BAZ1A: variants seen among roughly 807,000 people sequenced by gnomAD.
BAZ1A encodes the protein bromodomain adjacent to zinc finger domain 1A, also known as bromodomain adjacent to zinc finger domain protein 1A.
BAZ1A carries 50 observed loss-of-function variants against 185.2 expected under a neutral mutation model. That is an observed-to-expected ratio of 0.27 (90% CI 0.22 to 0.34). The LOEUF is 0.34. Ranked by LOEUF, BAZ1A falls within the 10% of genes least tolerant of loss-of-function variation. BAZ1A has a pLI of 1.00. For missense variants in BAZ1A, 1,356 were observed against 1,839.9 expected (o/e 0.74, Z 4.81); for synonymous variants, 571 against 615.6 (o/e 0.93, Z 1.07).
At position 34,783,113 on chromosome 14, in the gene BAZ1A, C is replaced by T. The variant is rs1471353662; in HGVS notation, c.2111+6G>A. On this transcript the variant is annotated splice_donor_region_variant and intron_variant, in intron 16 of 26. Coordinates refer to ENST00000360310, the MANE Select transcript of BAZ1A (RefSeq NM_013448.3). Reference sequence around the variant, plus strand: ...AAGCAGATGAACAGTGTGATTCAAACCATACCCAATAGATATATCTGCCGT... The same window carrying T: ...AAGCAGATGAACAGTGTGATTCAAATCATACCCAATAGATATATCTGCCGT... The T allele has an allele frequency of 1.3e-6, 2 of 1,572,422 alleles. No homozygotes were observed. The highest frequency in any genetic ancestry group is 8.7e-7 in the Non-Finnish European group (1 of 1,144,038).
intron 2 of BAZ1A, among the ~76,000 whole-genome samples, chr14:34,863,171 T>A (rs2042799915): frequency 7.4e-6 from 1 of 135,818 alleles, no homozygotes; most frequent in Non-Finnish European, 1.6e-5. Context: ...TTTTTTTTTT[T>A]TTTTTTTTTT....
intron 8 of BAZ1A, among the ~76,000 whole-genome samples, chr14:34,800,792 GCTGT>G (rs1881485957): frequency 6.6e-6 from 1 of 152,162 alleles, no homozygotes; most frequent in Non-Finnish European, 1.5e-5. Flanking sequence ...GTTTTAAAAG[GCTGT>G]GTGAATCAAA....
rs949160479 is a variant in BAZ1A at position 34,758,819 on chromosome 14, C to T, written c.4271G>A (p.Arg1424Lys). ...PEPSPVTLGR[R>K]SSGRQGGVHE... Reference sequence around the variant, plus strand: ...AACTCCTCCCTGTCGGCCAGAACTCCTTCGACCCAGTGTCACAGGCGATGG... The same window carrying T: ...AACTCCTCCCTGTCGGCCAGAACTCTTTCGACCCAGTGTCACAGGCGATGG... The change falls in exon 25 of 27, where the codon AGG becomes AAG. Residue 1424 changes from arginine (R) to lysine (K), a missense_variant. By Grantham distance (26) the Arg-to-Lys change is conservative. Around this residue, in one of 7 missense-constraint regions of BAZ1A, gnomAD observed 309 missense variants for 355.3 expected, o/e 0.87. Transcript: ENST00000360310. 1 of 1,614,014 alleles carries T rather than the reference C, an allele frequency of 6.2e-7. No homozygotes were observed. Among genetic ancestry groups the T allele is most frequent in the African/African-American group, 1.3e-5 (1 of 74,918 alleles).
intron 14 of BAZ1A, 77 bp from the exon 15 acceptor site, chr14:34,784,004 C>T (rs1191248917): frequency 1.5e-6 from 2 of 1,316,916 alleles, no homozygotes; most frequent in South Asian, 1.5e-5. Context: ...AAATTTGTGG[C>T]TCAATGTGAA....
chr14:34,861,955 A>T, intron 3 of BAZ1A, 89 bp downstream of exon 3: 2 of 1,424,352 alleles, frequency 1.4e-6, no homozygotes, highest in East Asian at 2.3e-5. Context: ...GTAAAAGGGA[A>T]GATTTCCTTA....
In BAZ1A at chr14:34,807,431, T is replaced by A; in HGVS notation, c.726+20A>T. The A allele has an allele frequency of 6.4e-7, 1 of 1,559,804 alleles. No individual in the cohort carries two copies. Among genetic ancestry groups the A allele is most frequent in the Non-Finnish European group, 8.8e-7 (1 of 1,137,044 alleles). On this transcript the variant is annotated intron_variant, in intron 6 of 26. Transcript: ENST00000360310. Reference sequence around the variant, plus strand: ...ATTTTGTTTTCTGTCTTCCAACAAATAATTTCATTATTTGATTACCTTTAT... The same window carrying A: ...ATTTTGTTTTCTGTCTTCCAACAAAAAATTTCATTATTTGATTACCTTTAT...
intron 2 of BAZ1A, among the ~76,000 whole-genome samples, chr14:34,865,693 A>G (rs1054749910): frequency 3.3e-5 from 5 of 152,234 alleles, no homozygotes; most frequent in Admixed American, 3.3e-4. Context: ...ATTCAGTACA[A>G]AGAAGATCCT....
At chr14:34,799,357 C>T (rs1227275261) in intron 9 of BAZ1A, among the ~76,000 whole-genome samples, 4 of 152,026 alleles carry the variant, frequency 2.6e-5, no homozygotes, top group Non-Finnish European at 5.9e-5. Context: ...ACATTGTGCA[C>T]AGGTACCCTA....
intron 3 of BAZ1A, among the ~76,000 whole-genome samples, chr14:34,843,854 G>A (rs923640424): frequency 2.0e-5 from 3 of 152,008 alleles, no homozygotes; most frequent in Non-Finnish European, 2.9e-5. Context: ...TTTGTACCAG[G>A]AGACAGTATA....
At chr14:34,858,287 G>A (rs750480251) in intron 3 of BAZ1A, among the ~76,000 whole-genome samples, 3 of 151,934 alleles carry the variant, frequency 2.0e-5, no homozygotes, top group Admixed American at 6.6e-5. Flanking sequence ...AGACAGACTC[G>A]TGCTTTGTTG....
At chr14:34,793,013 T>C (rs1229500840) in intron 11 of BAZ1A, 92 bp from the exon 12 acceptor site, 2 of 1,135,038 alleles carry the variant, frequency 1.8e-6, no homozygotes, top group African/African-American at 3.2e-5. Flanking sequence ...AACAATAGTA[T>C]GTGCAACTAT....
intron 21 of BAZ1A, among the ~76,000 whole-genome samples, chr14:34,766,992 A>G (rs1878889832): frequency 6.6e-6 from 1 of 152,264 alleles, no homozygotes; most frequent in African/African-American, 2.4e-5. Flanking sequence ...AGAACTTTTC[A>G]AAATGATTGA....
At chr14:34,768,445 C>G (rs1878994758) in intron 21 of BAZ1A, among the ~76,000 whole-genome samples, 1 of 152,088 alleles carries the variant, frequency 6.6e-6, no homozygotes, top group African/African-American at 2.4e-5. Context: ...TACAAAGATT[C>G]ACCGGTGTCA....
intron 4 of BAZ1A, among the ~76,000 whole-genome samples, chr14:34,825,105 A>T (rs1445145838): frequency 3.9e-5 from 6 of 152,192 alleles, no homozygotes; most frequent in African/African-American, 1.4e-4. Flanking sequence ...GCATTTCTTT[A>T]TTATGTGCCC....
At chr14:34,837,651 T>C (rs924105966) in intron 3 of BAZ1A, among the ~76,000 whole-genome samples, 27 of 152,222 alleles carry the variant, frequency 1.8e-4, no homozygotes, top group African/African-American at 5.5e-4. Context: ...TTAACCTCTT[T>C]AGTATTCAAA....
At chr14:34,797,127 A>G (rs1356237546) in intron 9 of BAZ1A, among the ~76,000 whole-genome samples, 1 of 152,252 alleles carries the variant, frequency 6.6e-6, no homozygotes, top group Non-Finnish European at 1.5e-5. Flanking sequence ...GTCATTAAAA[A>G]TTCCACTTAA....
chr14:34,869,259 T>G (rs2042914832), intron 2 of BAZ1A, among the ~76,000 whole-genome samples: 1 of 152,086 alleles, frequency 6.6e-6, no homozygotes, highest in South Asian at 2.1e-4. Context: ...AGATAATTCT[T>G]AGCAAATGCC....
rs1405096404 is a variant in BAZ1A, at chr14:34,756,094, G to T, written c.4387-1180C>A. On this transcript the variant is annotated intron_variant, in intron 25 of 26. Coordinates refer to ENST00000360310, the MANE Select transcript of BAZ1A (RefSeq NM_013448.3). ...GGGCTCAAGCGATCCACCTGCCTCA[G>T]CCTCCCAAACTGGTTTTTTTCTTTT... Among the ~76,000 whole-genome samples, 3 of 145,596 alleles carry T rather than the reference G, an allele frequency of 2.1e-5. No individual in the cohort carries two copies. The East Asian group carries it at 6.0e-4, about 29-fold the overall frequency.
intron 4 of BAZ1A, among the ~76,000 whole-genome samples, chr14:34,824,059 A>G (rs887793431): frequency 2.6e-5 from 4 of 151,938 alleles, no homozygotes. Flanking sequence ...TAATACAGTA[A>G]TTTATTTTTC....
Sources: gnomAD v4.1 joint callset for allele counts (sites outside exome capture counted in the v4.1 genomes callset) on GRCh38, gnomAD v4.1.1 for gene constraint, gnomAD v4.1.1 regional missense constraint, MANE v1.5 for transcripts, NCBI Gene and HGNC (gene_info 2026-07-23, HGNC 2026-07-21) for gene names.